The following INO80 variants were observed in gnomAD, a reference collection of about 807,000 sequenced individuals.
The protein encoded by INO80 is INO80 complex ATPase subunit, also known as chromatin-remodeling ATPase INO80.
A neutral mutation model predicts 203.4 loss-of-function variants in INO80; 20 were observed. That is an observed-to-expected ratio of 0.10 (90% CI 0.07 to 0.14). The LOEUF (loss-of-function observed/expected upper bound fraction) is 0.14, where lower values mean the gene tolerates loss of function less well. Among genes scored for constraint, INO80 ranks in the 10% least tolerant of loss-of-function variants. The probability of loss-of-function intolerance (pLI) is 1.00; values close to 1 mark genes in which losing one functional copy is unlikely to be tolerated. For synonymous variants in INO80, 726 were observed against 685.2 expected, an observed-to-expected ratio of 1.06 and a Z score of -0.93; for missense variants, 1,419 against 1,914.4, an observed-to-expected ratio of 0.74 and a Z score of 4.83.
chr15:40,987,713 C>G, intron 30 of INO80, 103 bp downstream of exon 30: 1 of 1,118,956 alleles, frequency 8.9e-7, no homozygotes, highest in Non-Finnish European at 1.3e-6. Flanking sequence ...TTCGTCAGGA[C>G]CAATGAAAGG....
At chr15:41,108,111 A>T (rs2045907613) in intron 1 of INO80, among the ~76,000 whole-genome samples, 1 of 152,152 alleles carries the variant, frequency 6.6e-6, no homozygotes, top group South Asian at 2.1e-4. Flanking sequence ...AAAAATAAAC[A>T]AACTTTACTC....
chr15:40,986,892 C>T lies in INO80; in HGVS notation c.3832+199G>A, dbSNP rs532493907. On this transcript the variant is annotated intron_variant, in intron 31 of 35. Transcript: ENST00000648947. ...AGGTGATCTGCCCACTTTGGCCTCC[C>T]GAAATGCTGAGATTAGAGGCGTGAG... Among the ~76,000 whole-genome samples the T allele has an allele frequency of 9.2e-5, 14 of 152,268 alleles. No individual in the cohort carries two copies. The South Asian group carries it at 1.2e-3, about 14-fold the overall frequency.
chr15:41,052,429 C>G (rs866482727), intron 19 of INO80, among the ~76,000 whole-genome samples: 1 of 151,746 alleles, frequency 6.6e-6, no homozygotes, highest in Non-Finnish European at 1.5e-5. Context: ...TCCTAGCACT[C>G]TGGGAGGTTG....
Position 41,005,639 on chromosome 15 carries a change from A to C in INO80, c.3451T>G (p.Ser1151Ala), listed in dbSNP as rs2044029981. The change falls in exon 28 of 36, where the codon TCC becomes GCC. Residue 1151 changes from serine (S) to alanine (A), a missense_variant. Coordinates refer to ENST00000648947, the MANE Select transcript of INO80 (RefSeq NM_017553.3). ...KHTYMRLDGSSKISERRDMVA... is the reference protein window; with the variant it reads ...KHTYMRLDGSAKISERRDMVA... ...ATGTCTCGCCTCTCCGAGATCTTGG[A>C]TGAGCCATCAAGCCTCATGTAGGTA... The C allele has an allele frequency of 6.2e-7, 1 of 1,610,306 alleles. No individual in the cohort carries two copies. Among genetic ancestry groups the C allele is most frequent in the Non-Finnish European group, 8.5e-7 (1 of 1,177,118 alleles).
At chr15:40,999,816 CTGAT>C (rs2043933257) in intron 28 of INO80, among the ~76,000 whole-genome samples, 2 of 152,248 alleles carry the variant, frequency 1.3e-5, no homozygotes, top group East Asian at 3.9e-4. Flanking sequence ...CAAATAAAAA[CTGAT>C]TGAGCTTTTT....
Position 41,074,395 on chromosome 15 carries a change from T to C in INO80, c.1302A>G (p.Val434=). ...QRQIDIGGGV[V]VNITQEDYDS... is the part of the protein sequence containing the mutation. ...CATAATCCTCCTGTGTGATGTTAAC[T>C]ACCACTCCTCCACCTATATCGATTT... The change falls in exon 10 of 36, where the codon GTA becomes GTG. Residue 434 remains valine, a synonymous_variant. Coordinates refer to ENST00000648947, the MANE Select transcript of INO80 (RefSeq NM_017553.3). 8 of 1,612,758 alleles carry C rather than the reference T, an allele frequency of 5.0e-6. No individual in the cohort carries two copies. The highest frequency in any genetic ancestry group is 6.8e-6 in the Non-Finnish European group (8 of 1,179,520).
intron 29 of INO80, among the ~76,000 whole-genome samples, chr15:40,990,952 A>G (rs2043809251): frequency 6.6e-6 from 1 of 152,200 alleles, no homozygotes; most frequent in Admixed American, 6.5e-5. Flanking sequence ...CCCAAAAGAC[A>G]GTATCTTGAG....
At chr15:41,042,854 T>C (rs956374034) in intron 24 of INO80, among the ~76,000 whole-genome samples, 11 of 152,178 alleles carry the variant, frequency 7.2e-5, no homozygotes, top group Admixed American at 2.6e-4. Context: ...TACATACATA[T>C]GTTGGAGATA....
chr15:41,004,308 T>C (rs1420084458), intron 28 of INO80, among the ~76,000 whole-genome samples: 3 of 151,840 alleles, frequency 2.0e-5, no homozygotes, highest in Non-Finnish European at 4.4e-5. Context: ...CACTCTATGT[T>C]GAATTGTGGA....
chr15:41,086,352 T>C (rs983263252), intron 6 of INO80, among the ~76,000 whole-genome samples: 1 of 152,002 alleles, frequency 6.6e-6, no homozygotes, highest in Non-Finnish European at 1.5e-5. Context: ...CCTTTTTGAG[T>C]ACAATTCATA....
chr15:40,982,415 T>C (rs949618546), intron 35 of INO80, among the ~76,000 whole-genome samples: 2 of 152,162 alleles, frequency 1.3e-5, no homozygotes, highest in Admixed American at 6.5e-5. Context: ...TCCCAAAGTG[T>C]TGGGATTACA....
rs1284009928 is a variant in INO80, at chr15:41,058,772, A to T, written c.1852T>A (p.Tyr618Asn). ...IRRFWSQKTL[Y>N]TQDAPFHVVI... Reference sequence around the variant, plus strand: ...ACATGGAAGGGGGCATCCTGAGTGTAGAGGGTCTTCTGTAAATATAAAAGG... The same window carrying T: ...ACATGGAAGGGGGCATCCTGAGTGTTGAGGGTCTTCTGTAAATATAAAAGG... The change falls in exon 16 of 36, where the codon TAC (tyrosine) becomes AAC (asparagine). Residue 618 changes from tyrosine (Y) to asparagine (N), a missense_variant. Coordinates refer to ENST00000648947, the MANE Select transcript of INO80 (RefSeq NM_017553.3). The T allele has an allele frequency of 1.2e-6, 2 of 1,612,314 alleles. No homozygotes were observed. Among genetic ancestry groups the T allele is most frequent in the Non-Finnish European group, 1.7e-6 (2 of 1,179,278 alleles).
chr15:41,103,069 T>C (rs1393492660), intron 1 of INO80, among the ~76,000 whole-genome samples: 1 of 152,174 alleles, frequency 6.6e-6, no homozygotes, highest in Non-Finnish European at 1.5e-5. Flanking sequence ...AAACCCAAAC[T>C]TCTCATATGC....
intron 14 of INO80, among the ~76,000 whole-genome samples, chr15:41,060,415 G>A (rs944467886): frequency 7.9e-5 from 12 of 151,818 alleles, no homozygotes; most frequent in Non-Finnish European, 1.6e-4. Context: ...ATGGTGAAAC[G>A]TCTCTACTGA....
intron 1 of INO80, among the ~76,000 whole-genome samples, chr15:41,100,639 C>T (rs531313807): frequency 6.6e-6 from 1 of 152,206 alleles, no homozygotes; most frequent in South Asian, 2.1e-4. Flanking sequence ...GCTGTAAGCA[C>T]AAAATTCTCC....
At chr15:41,101,551 CTT>C (rs773003985) in intron 1 of INO80, among the ~76,000 whole-genome samples, 17 of 141,958 alleles carry the variant, frequency 1.2e-4, no homozygotes, top group African/African-American at 1.3e-4. Flanking sequence ...TTATTTGTAA[CTT>C]TTTTTTTTTT....
chr15:41,112,685 G>A (rs1262069901), intron 1 of INO80, among the ~76,000 whole-genome samples: 1 of 136,228 alleles, frequency 7.3e-6, no homozygotes, highest in East Asian at 2.5e-4. Context: ...CTACTTGGGA[G>A]AATGAAGCAG....
intron 23 of INO80, among the ~76,000 whole-genome samples, chr15:41,046,677 G>C (rs924478865): frequency 2.6e-5 from 4 of 151,830 alleles, no homozygotes; most frequent in Non-Finnish European, 5.9e-5. Flanking sequence ...GAGCGCAGTG[G>C]AGCGATCTTG....
intron 12 of INO80, 64 bp downstream of exon 12, chr15:41,071,785 A>C (rs2045322529): frequency 7.1e-7 from 1 of 1,403,668 alleles, no homozygotes; most frequent in Non-Finnish European, 1.0e-6. Context: ...TTTCACAATC[A>C]CATTGAACAA....
Sources: gnomAD v4.1 joint callset for allele counts (sites outside exome capture counted in the v4.1 genomes callset) on GRCh38, gnomAD v4.1.1 for gene constraint, MANE v1.5 for transcripts, NCBI Gene and HGNC (gene_info 2026-07-23, HGNC 2026-07-21) for gene names.